SEMA4D: variants seen among roughly 807,000 people sequenced by gnomAD.
The protein encoded by SEMA4D is semaphorin 4D, also known as semaphorin-4D.
Under a neutral mutation model 74.8 loss-of-function variants are expected in SEMA4D, and 22 were observed. The observed-to-expected ratio is 0.29, with a 90% CI of 0.21 to 0.42. SEMA4D has a LOEUF of 0.42. Among genes scored for constraint, SEMA4D ranks in the 10% least tolerant of loss-of-function variants. The probability of loss-of-function intolerance (pLI) is 1.00; values close to 1 mark genes in which losing one functional copy is unlikely to be tolerated. For synonymous variants in SEMA4D, 445 were observed against 463.7 expected (o/e 0.96, Z 0.52); for missense variants, 937 against 1,118.4 (o/e 0.84, Z 2.31).
chr9:89,476,293 A>G (rs1861730296), intron 1 of SEMA4D, among the ~76,000 whole-genome samples: 1 of 152,184 alleles, frequency 6.6e-6, no homozygotes, highest in African/African-American at 2.4e-5. Flanking sequence ...AAAACATAGC[A>G]TGCCACGGGG....
chr9:89,487,553 G>C (rs1260928668), intron 1 of SEMA4D, among the ~76,000 whole-genome samples: 1 of 152,030 alleles, frequency 6.6e-6, no homozygotes, highest in East Asian at 1.9e-4. Flanking sequence ...GAAGAAAAAG[G>C]AGTAAAAGGC....
intron 2 of SEMA4D, among the ~76,000 whole-genome samples, chr9:89,432,213 A>G (rs1049626238): frequency 6.6e-6 from 1 of 152,248 alleles, no homozygotes; most frequent in African/African-American, 2.4e-5. Context: ...GATTATTTAT[A>G]ACACTGCTTG....
chr9:89,450,284 G>A (rs1212169020), intron 2 of SEMA4D: 1 of 941,210 alleles, frequency 1.1e-6, no homozygotes, highest in Non-Finnish European at 1.8e-6. Flanking sequence ...ATGCAGGAGA[G>A]AGAACCACTA....
intron 2 of SEMA4D, among the ~76,000 whole-genome samples, chr9:89,446,843 T>C (rs950357092): frequency 2.6e-5 from 4 of 152,128 alleles, no homozygotes; most frequent in Admixed American, 2.6e-4. Context: ...CACCCAGGCC[T>C]CAGGCGGGCT....
chr9:89,363,930 CAA>C lies in SEMA4D; in HGVS notation c.1901_1902del (p.Phe634CysfsTer40). On this transcript the variant is annotated frameshift_variant, in exon 17 of 19. Transcript: ENST00000339861. LOFTEE classifies it high-confidence loss of function. ...AGAGCTCGCCCATTCTTCTCCCAGA[CAA>C]AGCGAATGTCTGCAGGACCTGGGGA... 6.2e-7 allele frequency: 1 copy of C among 1,614,104 alleles called. No homozygotes were observed. The highest frequency in any genetic ancestry group is 8.5e-7 in the Non-Finnish European group (1 of 1,180,040).
At chr9:89,464,485 G>A (rs2135787720) in intron 1 of SEMA4D, among the ~76,000 whole-genome samples, 2 of 152,244 alleles carry the variant, frequency 1.3e-5, no homozygotes, top group Admixed American at 1.3e-4. Context: ...ATCTGGACAG[G>A]AAAAGACAGG....
At chr9:89,482,206 C>A (rs757832352) in intron 1 of SEMA4D, among the ~76,000 whole-genome samples, 1 of 152,180 alleles carries the variant, frequency 6.6e-6, no homozygotes, top group Non-Finnish European at 1.5e-5. Context: ...CTGTATCCTA[C>A]TGCCCTCCTG....
chr9:89,472,528 C>A (rs191022777), intron 1 of SEMA4D: 2 of 262,024 alleles, frequency 7.6e-6, no homozygotes, highest in South Asian at 4.6e-5. Context: ...ACAGTCCTAA[C>A]GACATGGTGG....
chr9:89,490,821 G>A (rs1284975886), intron 1 of SEMA4D, among the ~76,000 whole-genome samples: 2 of 152,148 alleles, frequency 1.3e-5, no homozygotes, highest in African/African-American at 4.8e-5. Context: ...AGTAATTGCT[G>A]GGAAGAGGGG....
At chr9:89,399,189 G>A (rs1841658187) in intron 5 of SEMA4D, 87 bp downstream of exon 5, 2 of 1,141,942 alleles carry the variant, frequency 1.8e-6, no homozygotes, top group Admixed American at 3.4e-5. Context: ...AGGCTGGCCT[G>A]CACTGCAGGC....
intron 4 of SEMA4D, 128 bp downstream of exon 4, chr9:89,402,743 G>T (rs1350157469): frequency 1.0e-6 from 1 of 975,074 alleles, no homozygotes; most frequent in African/African-American, 1.6e-5. Context: ...ACCCAAAGAT[G>T]GGGCTGCATG....
At chr9:89,490,170 C>T (rs1825517307) in intron 1 of SEMA4D, among the ~76,000 whole-genome samples, 1 of 152,146 alleles carries the variant, frequency 6.6e-6, no homozygotes, top group Admixed American at 6.5e-5. Context: ...TTTATTGACA[C>T]ATTTACCCAT....
chr9:89,443,419 C>A (rs1409948345), intron 2 of SEMA4D, among the ~76,000 whole-genome samples: 1 of 152,234 alleles, frequency 6.6e-6, no homozygotes, highest in Non-Finnish European at 1.5e-5. Context: ...GACCTCGAAG[C>A]GGGTGTACCA....
chr9:89,395,996 C>A (rs1472972317), intron 6 of SEMA4D, among the ~76,000 whole-genome samples: 1 of 152,214 alleles, frequency 6.6e-6, no homozygotes, highest in East Asian at 1.9e-4. Context: ...AATGCTACTT[C>A]TCCCTCTCTG....
In SEMA4D at chr9:89,444,432, C is replaced by T. The variant is rs536460264; in HGVS notation, c.-244+11456G>A. Among the ~76,000 whole-genome samples, 170 of 152,284 alleles carry T rather than the reference C, an allele frequency of 1.1e-3. 1 individual carries two copies. Among genetic ancestry groups the T allele is most frequent in the Non-Finnish European group, 1.5e-3 (100 of 68,038 alleles). On this transcript the variant is annotated intron_variant, in intron 2 of 15. Transcript: ENST00000422704. ...CAGCTATCAGCACTTGCTCTGCAGC[C>T]GCTACTGACGGGATGTGGGCACGTG...
At chr9:89,363,981 T>A in intron 16 of SEMA4D, 1 of 1,613,834 alleles carries the variant, frequency 6.2e-7, no homozygotes, top group Non-Finnish European at 8.5e-7. Flanking sequence ...CACCTCTGAG[T>A]CCACATTTAG....
chr9:89,414,928 T>A (rs1471693073), intron 2 of SEMA4D, among the ~76,000 whole-genome samples: 1 of 152,016 alleles, frequency 6.6e-6, no homozygotes, highest in Non-Finnish European at 1.5e-5. Context: ...GTGCAGCATG[T>A]ACAGAATGGG....
At position 89,441,502 on chromosome 9, in the gene SEMA4D, C is replaced by T. The variant is rs529608566; in HGVS notation, c.-244+14386G>A. On this transcript the variant is annotated intron_variant, in intron 2 of 15. Transcript: ENST00000422704. ...TGAGCTCTGGCTGGAGATGTCGGTA[C>T]CGGCCAGGCCCCCATTCCCACATCA... Among the ~76,000 whole-genome samples, 20 of 152,374 alleles carry T rather than the reference C, an allele frequency of 1.3e-4. No homozygotes were observed. The South Asian group carries it at 3.9e-3, about 30-fold the overall frequency.
intron 2 of SEMA4D, chr9:89,449,548 T>C: frequency 1.3e-6 from 1 of 777,572 alleles, no homozygotes; most frequent in East Asian, 2.4e-5. Flanking sequence ...GCAGTGGTGG[T>C]GGCAGGAAGA....
Sources: gnomAD v4.1 joint callset for allele counts (sites outside exome capture counted in the v4.1 genomes callset) on GRCh38, gnomAD v4.1.1 for gene constraint, MANE v1.5 for transcripts, NCBI Gene and HGNC (gene_info 2026-07-23, HGNC 2026-07-21) for gene names.